Variants in GIMAP2 observed in about 807,000 individuals in gnomAD.
GIMAP2 encodes GTPase, IMAP family member 2, also known as GTPase IMAP family member 2.
In GIMAP2, 22 loss-of-function variants were observed where a neutral mutation model predicts 25.5. The ratio of observed to expected loss-of-function variants is 0.86; its 90% CI spans 0.62 to 1.23. The LOEUF is 1.23. GIMAP2 is among the 50% of genes most tolerant of loss of function. The probability of loss-of-function intolerance (pLI) is 0.00; values close to 1 mark genes in which losing one functional copy is unlikely to be tolerated. For missense variants in GIMAP2, 422 were observed against 395.7 expected, an observed-to-expected ratio of 1.07 and a Z score of -0.56; for synonymous variants, 167 against 143.0, an observed-to-expected ratio of 1.17 and a Z score of -1.20.
intron 2 of GIMAP2, chr7:150,689,794 C>T (rs1796945158): frequency 1.4e-5 from 6 of 419,870 alleles, no homozygotes; most frequent in African/African-American, 1.2e-4. Flanking sequence ...AGAAAACGGG[C>T]AGGTTCAAAT....
intron 2 of GIMAP2, among the ~76,000 whole-genome samples, chr7:150,690,376 T>G (rs1050597518): frequency 5.1e-4 from 78 of 152,162 alleles, no homozygotes; most frequent in African/African-American, 1.9e-3. Context: ...CTGAGTAGAC[T>G]AGTGTCCCAG....
chr7:150,686,081 T>C (rs556885831), intron 1 of GIMAP2, among the ~76,000 whole-genome samples: 5 of 152,348 alleles, frequency 3.3e-5, no homozygotes, highest in Non-Finnish European at 5.9e-5. Flanking sequence ...GGTCTATGCC[T>C]GCCAGATTTA....
Position 150,692,456 on chromosome 7 carries a change from T to C in GIMAP2, c.170T>C (p.Leu57Ser), listed in dbSNP as rs892557833. ...GAATCGAAGCTGGGTTCCCAGACCTTGACTAAGACTTGCAGCAAAAGTCAG... is the reference window on the plus strand; with the variant it reads ...GAATCGAAGCTGGGTTCCCAGACCTCGACTAAGACTTGCAGCAAAAGTCAG... ...AFESKLGSQT[L>S]TKTCSKSQGS... The change falls in exon 3 of 3, where the codon TTG becomes TCG. Residue 57 changes from leucine to serine, a missense_variant. Coordinates refer to ENST00000223293, the MANE Select transcript of GIMAP2 (RefSeq NM_015660.3). The C allele has an allele frequency of 1.9e-6, 3 of 1,614,204 alleles. No individual in the cohort carries two copies. Among genetic ancestry groups the C allele is most frequent in the Non-Finnish European group, 2.5e-6 (3 of 1,180,034 alleles).
At chr7:150,690,012 C>G (rs1796947504) in intron 2 of GIMAP2, among the ~76,000 whole-genome samples, 1 of 152,178 alleles carries the variant, frequency 6.6e-6, no homozygotes, top group African/African-American at 2.4e-5. Flanking sequence ...ATGTCTCTAA[C>G]ATTATTAGGA....
chr7:150,689,496 G>A, intron 2 of GIMAP2: 1 of 703,106 alleles, frequency 1.4e-6, no homozygotes, highest in Non-Finnish European at 2.6e-6. Context: ...TAGGCGAGAG[G>A]AAGGTTAAAC....
intron 1 of GIMAP2, 91 bp from the exon 2 acceptor site, chr7:150,686,961 A>AAAGG (rs1796908989): frequency 1.3e-6 from 1 of 775,382 alleles, no homozygotes; most frequent in Non-Finnish European, 1.9e-6. Flanking sequence ...AAAAAAAAAA[A>AAAGG]AAGAAAGAAA....
At chr7:150,686,650 T>A (rs1283814826) in intron 1 of GIMAP2, among the ~76,000 whole-genome samples, 1 of 152,040 alleles carries the variant, frequency 6.6e-6, no homozygotes, top group Non-Finnish European at 1.5e-5. Flanking sequence ...TGTTTAGAAA[T>A]ATAAGGATCT....
At chr7:150,690,554 C>T (rs558856250) in intron 2 of GIMAP2, among the ~76,000 whole-genome samples, 1 of 152,238 alleles carries the variant, frequency 6.6e-6, no homozygotes, top group Admixed American at 6.5e-5. Context: ...ATTAAAAGTG[C>T]TCAATAAAGG....
intron 2 of GIMAP2, among the ~76,000 whole-genome samples, chr7:150,690,860 C>A (rs1044952878): frequency 6.6e-6 from 1 of 152,172 alleles, no homozygotes; most frequent in Non-Finnish European, 1.5e-5. Context: ...GCTCCAGATT[C>A]TTTTTTTCTT....
In GIMAP2 at chr7:150,692,806, G is replaced by C. The variant is rs1796984173; in HGVS notation, c.520G>C (p.Ala174Pro). 1 of 1,614,132 alleles carries C rather than the reference G, an allele frequency of 6.2e-7. No homozygotes were observed. The highest frequency in any genetic ancestry group is 8.5e-7 in the Non-Finnish European group (1 of 1,180,058). ...DNKALSKLVAACGGRICAFNN... is the reference protein window; with the variant it reads ...DNKALSKLVAPCGGRICAFNN... ...CAAAGCCCTAAGCAAGCTGGTGGCAGCATGTGGTGGGCGAATCTGTGCCTT... is the reference window on the plus strand; with the variant it reads ...CAAAGCCCTAAGCAAGCTGGTGGCACCATGTGGTGGGCGAATCTGTGCCTT... The change falls in exon 3 of 3, where the codon GCA becomes CCA. Residue 174 changes from alanine (A) to proline (P), a missense_variant. Ala to Pro is a conservative substitution (Grantham distance 27). Coordinates refer to ENST00000223293, the MANE Select transcript of GIMAP2 (RefSeq NM_015660.3).
At position 150,692,519 on chromosome 7, in the gene GIMAP2, C is replaced by T. The variant is rs760769724; in HGVS notation, c.233C>T (p.Thr78Ile). Reference sequence around the variant, plus strand: ...AATAGAGAGATTGTCATTATTGACACACCAGATATGTTTTCTTGGAAGGAC... The same window carrying T: ...AATAGAGAGATTGTCATTATTGACATACCAGATATGTTTTCTTGGAAGGAC... ...WGNREIVIID[T>I]PDMFSWKDHC... is the part of the protein sequence containing the mutation. The change falls in exon 3 of 3, where the codon ACA becomes ATA. Residue 78 changes from threonine (T) to isoleucine (I), a missense_variant. Thr to Ile is a moderately conservative substitution (Grantham distance 89). Coordinates refer to ENST00000223293, the MANE Select transcript of GIMAP2 (RefSeq NM_015660.3). The T allele has an allele frequency of 3.1e-6, 5 of 1,613,900 alleles. No homozygotes were observed. In the African/African-American group the frequency reaches 4.0e-5, roughly 13 times the overall value.
Position 150,692,293 on chromosome 7 carries a change from A to C in GIMAP2, c.29-22A>C, listed in dbSNP as rs1178164482. 3.7e-6 allele frequency: 6 copies of C among 1,607,340 alleles called. No individual in the cohort carries two copies. In the Admixed American group the frequency reaches 1.0e-4, roughly 27 times the overall value. ...CTGCCGTGATCAGTGTAGCGATAAC[A>C]CAGTAAACTTGCTCCTCACAGGACC... On this transcript the variant is annotated intron_variant, in intron 2 of 2. Transcript: ENST00000223293.
chr7:150,688,421 A>G (rs1481400150), intron 2 of GIMAP2, among the ~76,000 whole-genome samples: 1 of 152,126 alleles, frequency 6.6e-6, no homozygotes, highest in African/African-American at 2.4e-5. Flanking sequence ...GTGAGCCACC[A>G]CGCCCGGCCA....
Position 150,692,681 on chromosome 7 carries a change from T to A in GIMAP2, c.395T>A (p.Ile132Asn). The change falls in exon 3 of 3, where the codon ATC becomes AAC. Residue 132 changes from isoleucine (I) to asparagine (N), a missense_variant. Ile to Asn is a moderately radical substitution (Grantham distance 149, BLOSUM62 -3). Coordinates refer to ENST00000223293, the MANE Select transcript of GIMAP2 (RefSeq NM_015660.3). Reference protein sequence around the residue: ...DQQAAQRVKEIFGEDAMGHTI... With the variant: ...DQQAAQRVKENFGEDAMGHTI... Reference sequence around the variant, plus strand: ...CAGGCTGCACAGAGGGTGAAGGAGATCTTTGGAGAGGATGCCATGGGACAC... The same window carrying A: ...CAGGCTGCACAGAGGGTGAAGGAGAACTTTGGAGAGGATGCCATGGGACAC... 3 of 1,614,066 alleles carry A rather than the reference T, an allele frequency of 1.9e-6. No homozygotes were observed. The highest frequency in any genetic ancestry group is 2.5e-6 in the Non-Finnish European group (3 of 1,180,016).
intron 2 of GIMAP2, 144 bp downstream of exon 2, chr7:150,687,231 C>G (rs988747987): frequency 8.8e-6 from 6 of 679,318 alleles, no homozygotes; most frequent in Middle Eastern, 8.3e-4. Flanking sequence ...GCTACCACCA[C>G]CAGCAGCTGA....
chr7:150,687,717 T>TTG (rs145943318), intron 2 of GIMAP2, among the ~76,000 whole-genome samples: 7,574 of 150,114 alleles, frequency 0.05, 581 homozygotes, highest in African/African-American at 0.16. Context: ...CATAGGTTCT[T>TTG]TGTGTGTGTG....
chr7:150,692,954 A>G lies in GIMAP2; in HGVS notation c.668A>G (p.Gln223Arg). 1.9e-6 allele frequency: 3 copies of G among 1,614,180 alleles called. No homozygotes were observed. Among genetic ancestry groups the G allele is most frequent in the African/African-American group, 1.3e-5 (1 of 75,074 alleles). Residue 223 changes from glutamine to arginine, a missense_variant, in exon 3 of 3, where the codon CAG (glutamine) becomes CGG (arginine). Transcript: ENST00000223293. ...HYTNGLYSLI[Q>R]RSKCGPVGSD... ...ACCAATGGGTTGTACAGCCTAATACAGAGGTCTAAATGTGGACCTGTGGGA... is the reference window on the plus strand; with the variant it reads ...ACCAATGGGTTGTACAGCCTAATACGGAGGTCTAAATGTGGACCTGTGGGA...
At position 150,692,556 on chromosome 7, in the gene GIMAP2, T is replaced by G; in HGVS notation, c.270T>G (p.Ala90=). 1 of 1,614,112 alleles carries G rather than the reference T, an allele frequency of 6.2e-7. No homozygotes were observed. Among genetic ancestry groups the G allele is most frequent in the Non-Finnish European group, 8.5e-7 (1 of 1,180,010 alleles). ...TTTCTTGGAAGGACCACTGTGAAGC[T>G]CTGTACAAAGAGGTGCAGAGGTGCT... ...DMFSWKDHCE[A]LYKEVQRCYL... is the part of the protein sequence containing the mutation. Residue 90 remains alanine (A), a synonymous_variant, in exon 3 of 3, where the codon GCT becomes GCG. Coordinates refer to ENST00000223293, the MANE Select transcript of GIMAP2 (RefSeq NM_015660.3).
chr7:150,687,208 T>C, intron 2 of GIMAP2, 121 bp downstream of exon 2: 1 of 841,770 alleles, frequency 1.2e-6, no homozygotes, highest in Admixed American at 2.2e-5. Context: ...AGGATCTTAT[T>C]CTAACTCCCA....
Sources: gnomAD v4.1 joint callset for allele counts (sites outside exome capture counted in the v4.1 genomes callset) on GRCh38, gnomAD v4.1.1 for gene constraint, MANE v1.5 for transcripts, NCBI Gene and HGNC (gene_info 2026-07-23, HGNC 2026-07-21) for gene names.